EPHA7: variants seen among roughly 807,000 people sequenced by gnomAD.
EPHA7 encodes ephrin type-A receptor 7.
In EPHA7, 25 loss-of-function variants were observed where a neutral mutation model predicts 112.6. The observed-to-expected ratio is 0.22, with a 90% CI of 0.16 to 0.31. The LOEUF is 0.31. Among genes scored for constraint, EPHA7 ranks in the 10% least tolerant of loss-of-function variants. The pLI, the probability that EPHA7 is intolerant of heterozygous loss-of-function variation, is 1.00. For synonymous variants in EPHA7, 437 were observed against 406.5 expected, an observed-to-expected ratio of 1.07 and a Z score of -0.90; for missense variants, 962 against 1,212.6, an observed-to-expected ratio of 0.79 and a Z score of 3.07.
At chr6:93,314,358 G>A (rs1219170070) in intron 5 of EPHA7, among the ~76,000 whole-genome samples, 1 of 151,950 alleles carries the variant, frequency 6.6e-6, no homozygotes, top group Non-Finnish European at 1.5e-5. Flanking sequence ...TATTACTATT[G>A]TGATTACAAC....
Position 93,410,784 on chromosome 6 carries a change from A to G in EPHA7, c.549T>C (p.Tyr183=). Residue 183 remains tyrosine, a synonymous_variant, in exon 3 of 17, where the codon TAT becomes TAC. Coordinates refer to ENST00000369303, the MANE Select transcript of EPHA7 (RefSeq NM_004440.4). The surrounding 1 kb of genome is among the most constrained non-coding windows in gnomAD (Gnocchi z 4.0). ...EIGPLSKKGF[Y]LAFQDVGACI... ...AAGCCCCTACATCCTGAAAGGCAAG[A>G]TAGAATCCCTTTTTGGACAAAGGTC... is the stretch of plus-strand genomic sequence containing the variant. The G allele has an allele frequency of 6.2e-7, 1 of 1,614,088 alleles. No homozygotes were observed. The highest frequency in any genetic ancestry group is 8.5e-7 in the Non-Finnish European group (1 of 1,179,970).
chr6:93,297,903 T>C (rs1416438147), intron 5 of EPHA7, among the ~76,000 whole-genome samples: 1 of 152,168 alleles, frequency 6.6e-6, no homozygotes, highest in Non-Finnish European at 1.5e-5. Flanking sequence ...TAATATTTTA[T>C]ATGTAATTGC....
In EPHA7 at chr6:93,241,583, ATAAAT is replaced by A. The variant is rs1769689941; in HGVS notation, c.*1838_*1842del. ...AATGATTTTTCTAGTCAATCAAAAA[ATAAAT>A]TAAAATATCAAATAACACTGTACAG... is the stretch of plus-strand genomic sequence containing the variant. On this transcript the variant is annotated 3_prime_UTR_variant, in exon 17 of 17. Coordinates refer to ENST00000369303, the MANE Select transcript of EPHA7 (RefSeq NM_004440.4). 9.2e-6 allele frequency: 2 copies of A among 218,164 alleles called. No individual in the cohort carries two copies. 13.5% of individuals were successfully genotyped at this position (218,164 alleles called of 1,614,324 possible).
intron 5 of EPHA7, among the ~76,000 whole-genome samples, chr6:93,353,009 G>T (rs1167226330): frequency 1.3e-5 from 2 of 152,016 alleles, no homozygotes; most frequent in African/African-American, 4.8e-5. Context: ...CCTGGGTGAT[G>T]AAATAATCTA....
At chr6:93,259,623 C>T (rs1414859578) in intron 9 of EPHA7, 144 bp from the exon 10 acceptor site, 2 of 890,196 alleles carry the variant, frequency 2.2e-6, no homozygotes, top group Non-Finnish European at 1.8e-6. Context: ...TAACAGACTA[C>T]TTCAGTCTGC....
Position 93,358,274 on chromosome 6 carries a change from G to A in EPHA7, c.970C>T (p.Pro324Ser). Residue 324 changes from proline (P) to serine (S), a missense_variant, in exon 4 of 17, where the codon CCA becomes TCA. Physicochemically the swap from Pro to Ser is moderately conservative, Grantham distance 74. Around this residue, in one of 3 missense-constraint regions of EPHA7, gnomAD observed 746 missense variants for 889.2 expected, o/e 0.84. Coordinates refer to ENST00000369303, the MANE Select transcript of EPHA7 (RefSeq NM_004440.4). ...AACTCACTTGTGCACGCAACGTATG[G>A]TGGGTCAGATGGAGCCCTGTAATAC... is the stretch of plus-strand genomic sequence containing the variant. ...DGYYRAPSDP[P>S]YVACTRPPSA... is the part of the protein sequence containing the mutation. 1 of 1,611,014 alleles carries A rather than the reference G, an allele frequency of 6.2e-7. No individual in the cohort carries two copies. Among genetic ancestry groups the A allele is most frequent in the South Asian group, 1.1e-5 (1 of 90,608 alleles).
intron 5 of EPHA7, among the ~76,000 whole-genome samples, chr6:93,310,250 T>C (rs1215986699): frequency 1.3e-5 from 2 of 152,190 alleles, no homozygotes; most frequent in Admixed American, 6.5e-5. Flanking sequence ...CAACAAGTGA[T>C]TTTTCAGTTA....
At chr6:93,395,620 C>T (rs960648084) in intron 3 of EPHA7, among the ~76,000 whole-genome samples, 20 of 144,996 alleles carry the variant, frequency 1.4e-4, no homozygotes, top group South Asian at 2.2e-4. Context: ...CACATCTGTC[C>T]GTCACTCACT....
intron 5 of EPHA7, among the ~76,000 whole-genome samples, chr6:93,312,985 G>A (rs1773618708): frequency 6.6e-6 from 1 of 151,994 alleles, no homozygotes; most frequent in South Asian, 2.1e-4. Flanking sequence ...TACAGGCATG[G>A]CTTATGGTGC....
At chr6:93,368,262 A>G (rs537841619) in intron 3 of EPHA7, among the ~76,000 whole-genome samples, 1 of 152,230 alleles carries the variant, frequency 6.6e-6, no homozygotes, top group African/African-American at 2.4e-5. Flanking sequence ...AGCATGCCCA[A>G]TTATCTCCTA....
At chr6:93,319,976 C>A (rs1773986785) in intron 5 of EPHA7, among the ~76,000 whole-genome samples, 1 of 151,788 alleles carries the variant, frequency 6.6e-6, no homozygotes, top group African/African-American at 2.4e-5. Flanking sequence ...TATGCTGAGG[C>A]TCCCTCTTAC....
rs151314172 is a variant in EPHA7, at chr6:93,387,460, G to T, written c.832+23041C>A. On this transcript the variant is annotated intron_variant, in intron 3 of 16. Coordinates refer to ENST00000369303, the MANE Select transcript of EPHA7 (RefSeq NM_004440.4). ...TCCTGTCTTCTGAGCCCTCCAAATT[G>T]TTCAAACCTCTGCCTGTTACCTATT... 3.4e-3 allele frequency among the ~76,000 whole-genome samples: 518 copies of T among 152,096 alleles called. 6 individuals are homozygous for T. The highest frequency in any genetic ancestry group is 0.011 in the African/African-American group (468 of 41,494).
At chr6:93,349,780 T>C (rs1158755508) in intron 5 of EPHA7, among the ~76,000 whole-genome samples, 1 of 151,944 alleles carries the variant, frequency 6.6e-6, no homozygotes, top group Non-Finnish European at 1.5e-5. Flanking sequence ...ATTAATTTAC[T>C]TATTAAAAGA....
intron 9 of EPHA7, among the ~76,000 whole-genome samples, chr6:93,262,898 T>G (rs949509909): frequency 1.1e-4 from 16 of 151,358 alleles, no homozygotes; most frequent in African/African-American, 3.6e-4. Flanking sequence ...GGCTTTGATA[T>G]TCTTATGACT....
chr6:93,317,376 G>GA (rs1378918593), intron 5 of EPHA7, among the ~76,000 whole-genome samples: 1 of 152,120 alleles, frequency 6.6e-6, no homozygotes, highest in Non-Finnish European at 1.5e-5. Flanking sequence ...AACTAGCTGA[G>GA]AAAAAACAGT....
intron 3 of EPHA7, among the ~76,000 whole-genome samples, chr6:93,378,717 C>CA (rs1777183601): frequency 6.6e-6 from 1 of 152,014 alleles, no homozygotes; most frequent in South Asian, 2.1e-4. Context: ...AAAGTGGAGG[C>CA]TCAGAGAGAT....
At chr6:93,291,794 T>G (rs1217551625) in intron 5 of EPHA7, among the ~76,000 whole-genome samples, 1 of 116,358 alleles carries the variant, frequency 8.6e-6, no homozygotes, top group Admixed American at 8.7e-5. Flanking sequence ...AAAATACTTT[T>G]CTGGAACCAG....
chr6:93,316,287 C>A (rs73532303), intron 5 of EPHA7, among the ~76,000 whole-genome samples: 33 of 152,064 alleles, frequency 2.2e-4, no homozygotes, highest in African/African-American at 8.0e-4. Flanking sequence ...GCAATAACAC[C>A]CCCTTTCTAA....
rs573701191 is a variant in EPHA7, at chr6:93,320,253, T to C, written c.1324+36464A>G. 3.3e-5 allele frequency among the ~76,000 whole-genome samples: 5 copies of C among 152,154 alleles called. No individual in the cohort carries two copies. In the East Asian group the frequency reaches 9.7e-4, roughly 29 times the overall value. On this transcript the variant is annotated intron_variant, in intron 5 of 16. Transcript: ENST00000369303. ...CTCAGAAGTGCTTTAATAAATGTCA[T>C]ATTTTAATATTAAGAAGTTTCAGCA...
Sources: gnomAD v4.1 joint callset for allele counts (sites outside exome capture counted in the v4.1 genomes callset) on GRCh38, gnomAD v4.1.1 for gene constraint, gnomAD v4.1.1 regional missense constraint, Gnocchi (gnomAD v3.1) non-coding constraint, MANE v1.5 for transcripts, NCBI Gene and HGNC (gene_info 2026-07-23, HGNC 2026-07-21) for gene names.